SKA2: variants seen among roughly 807,000 people sequenced by gnomAD.
The protein encoded by SKA2 is spindle and kinetochore-associated protein 2.
SKA2 carries 13 observed loss-of-function variants against 16.9 expected under a neutral mutation model. That is an observed-to-expected ratio of 0.77 (90% CI 0.50 to 1.22). SKA2 has a LOEUF of 1.22. Ranked by LOEUF, SKA2 falls within the 50% of genes most tolerant of loss-of-function variation. The pLI is 0.00. For missense variants in SKA2, 107 were observed against 139.7 expected (o/e 0.77, Z 1.18); for synonymous variants, 47 against 48.5 (o/e 0.97, Z 0.13).
intron 1 of SKA2, among the ~76,000 whole-genome samples, chr17:59,136,415 C>T (rs930256603): frequency 6.6e-6 from 1 of 152,062 alleles, no homozygotes; most frequent in African/African-American, 2.4e-5. Context: ...CCACCCACCT[C>T]GGCCTCCCAA....
Position 59,141,776 on chromosome 17 carries a change from G to A in SKA2, c.34-10409C>T, listed in dbSNP as rs143433511. 3.6e-3 allele frequency among the ~76,000 whole-genome samples: 547 copies of A among 150,770 alleles called. 6 individuals carry two copies. Among genetic ancestry groups the A allele is most frequent in the African/African-American group, 0.013 (533 of 40,992 alleles). ...TAGGCATACTTCAAAATTATGGCACGTGATACCAAGAAACTCAGTGGCTTA... is the reference window on the plus strand; with the variant it reads ...TAGGCATACTTCAAAATTATGGCACATGATACCAAGAAACTCAGTGGCTTA... On this transcript the variant is annotated intron_variant, in intron 1 of 3. Coordinates refer to ENST00000330137, the MANE Select transcript of SKA2 (RefSeq NM_182620.4).
rs1316206047 is a variant in SKA2 at position 59,110,062 on chromosome 17, G to GT, written c.*2214dup. On this transcript the variant is annotated 3_prime_UTR_variant, in exon 4 of 4. Coordinates refer to ENST00000330137, the MANE Select transcript of SKA2 (RefSeq NM_182620.4). ...ATAGTGGCTATTAACAATAAAATCAGTAAGTATTCTGGACATGTTTAACTT... is the reference window on the plus strand; with the variant it reads ...ATAGTGGCTATTAACAATAAAATCAGTTAAGTATTCTGGACATGTTTAACTT... 8 of 152,188 alleles carry GT rather than the reference G, an allele frequency of 5.3e-5. No individual in the cohort carries two copies. Among genetic ancestry groups the GT allele is most frequent in the Admixed American group, 4.6e-4 (7 of 15,274 alleles). 9.4% of individuals were successfully genotyped at this position (152,188 alleles called of 1,614,324 possible).
intron 2 of SKA2, among the ~76,000 whole-genome samples, chr17:59,130,812 TTAATGTTTC>T (rs1430259935): frequency 6.6e-6 from 1 of 152,092 alleles, no homozygotes; most frequent in Non-Finnish European, 1.5e-5. Flanking sequence ...TAAAGCAGAG[TTAATGTTTC>T]TAATCAACCT....
intron 1 of SKA2, 30 bp downstream of exon 1, chr17:59,155,097 ACTAC>A (rs761626619): frequency 2.5e-5 from 40 of 1,613,940 alleles, no homozygotes; most frequent in Non-Finnish European, 3.2e-5. Context: ...GGAAAAATAA[ACTAC>A]CCAGTAGATC....
chr17:59,117,515 A>G (rs2046304486), intron 3 of SKA2, among the ~76,000 whole-genome samples: 1 of 152,112 alleles, frequency 6.6e-6, no homozygotes, highest in Non-Finnish European at 1.5e-5. Flanking sequence ...TTCTGCCCCA[A>G]ATAGTTGGAA....
intron 1 of SKA2, 103 bp from the exon 2 acceptor site, chr17:59,131,470 T>G (rs1206312532): frequency 5.0e-6 from 3 of 605,506 alleles, no homozygotes; most frequent in Non-Finnish European, 8.1e-6. Flanking sequence ...TTTCAATAAG[T>G]GATACATACT....
intron 1 of SKA2, among the ~76,000 whole-genome samples, chr17:59,139,741 T>G (rs1235158945): frequency 6.6e-6 from 1 of 152,204 alleles, no homozygotes; most frequent in East Asian, 1.9e-4. Flanking sequence ...GGCTTTGGTT[T>G]ACCATCTACT....
At position 59,123,281 on chromosome 17, in the gene SKA2, G is replaced by A. The variant is rs556223144; in HGVS notation, c.121-3786C>T. Among the ~76,000 whole-genome samples the A allele has an allele frequency of 4.1e-5, 6 of 147,870 alleles. No homozygotes were observed. The South Asian group carries it at 1.3e-3, about 32-fold the overall frequency. ...TTTTTTTTAAGAGTTAGAATTGGCT[G>A]GGTGTGATGGCTAATGCCTGTAATC... On this transcript the variant is annotated intron_variant, in intron 2 of 3. Transcript: ENST00000330137.
At chr17:59,130,264 AT>A (rs1033975087) in intron 2 of SKA2, among the ~76,000 whole-genome samples, 5 of 151,098 alleles carry the variant, frequency 3.3e-5, no homozygotes, top group South Asian at 4.2e-4. Context: ...ATTGTATGGA[AT>A]TTTTTTTTAA....
At chr17:59,126,194 A>ATAAG (rs2046371659) in intron 2 of SKA2, among the ~76,000 whole-genome samples, 1 of 151,774 alleles carries the variant, frequency 6.6e-6, no homozygotes, top group Non-Finnish European at 1.5e-5. Flanking sequence ...GAATAAATAA[A>ATAAG]TAAATAAATA....
chr17:59,150,057 A>G (rs1341815450), intron 1 of SKA2, among the ~76,000 whole-genome samples: 1 of 152,200 alleles, frequency 6.6e-6, no homozygotes, highest in Non-Finnish European at 1.5e-5. Context: ...AATGTTCTAT[A>G]TCCTGGCTGT....
rs75207050 is a variant in SKA2 at position 59,151,599 on chromosome 17, C to G, written c.33+3532G>C. On this transcript the variant is annotated intron_variant, in intron 1 of 3. Transcript: ENST00000330137. Reference sequence around the variant, plus strand: ...TTCTCTGCAGAGATGTTGGTTAGCTCCTTCTTCAAGGCAATTTACTGATTA... The same window carrying G: ...TTCTCTGCAGAGATGTTGGTTAGCTGCTTCTTCAAGGCAATTTACTGATTA... Among the ~76,000 whole-genome samples, 12 of 152,228 alleles carry G rather than the reference C, an allele frequency of 7.9e-5. No homozygotes were observed. The East Asian group carries it at 1.5e-3, about 20-fold the overall frequency.
At chr17:59,119,579 AT>A in intron 2 of SKA2, 84 bp from the exon 3 acceptor site, 1 of 1,209,170 alleles carries the variant, frequency 8.3e-7, no homozygotes, top group Non-Finnish European at 1.2e-6. Context: ...CATACAACAC[AT>A]TCTACCATCC....
At chr17:59,142,793 G>C (rs1390202385) in intron 1 of SKA2, among the ~76,000 whole-genome samples, 2 of 151,602 alleles carry the variant, frequency 1.3e-5, no homozygotes, top group African/African-American at 2.4e-5. Flanking sequence ...CAGGTGTGGT[G>C]GTGGGCACCT....
chr17:59,141,449 T>G (rs1243239001), intron 1 of SKA2, among the ~76,000 whole-genome samples: 1 of 151,002 alleles, frequency 6.6e-6, no homozygotes, highest in African/African-American at 2.4e-5. Flanking sequence ...GCCGCGGCTG[T>G]GCACAGTGGC....
chr17:59,117,427 C>T (rs1170838567), intron 3 of SKA2, among the ~76,000 whole-genome samples: 2 of 152,108 alleles, frequency 1.3e-5, no homozygotes, highest in Admixed American at 1.3e-4. Flanking sequence ...GGGACAGTCT[C>T]ACCCTGTCAC....
intron 1 of SKA2, among the ~76,000 whole-genome samples, chr17:59,142,490 A>G (rs1190055813): frequency 6.6e-6 from 1 of 151,692 alleles, no homozygotes; most frequent in Non-Finnish European, 1.5e-5. Context: ...GGGTTTCTCT[A>G]TGTTGGTCAG....
chr17:59,149,693 A>G (rs1208664722), intron 1 of SKA2, among the ~76,000 whole-genome samples: 1 of 152,216 alleles, frequency 6.6e-6, no homozygotes, highest in East Asian at 1.9e-4. Context: ...TATTCTATAC[A>G]ATGAATACTA....
intron 2 of SKA2, among the ~76,000 whole-genome samples, chr17:59,122,254 G>T (rs775533724): frequency 1.3e-5 from 2 of 152,030 alleles, no homozygotes; most frequent in African/African-American, 4.8e-5. Context: ...CGGGAGGATC[G>T]CTTGAGGTCA....
Sources: gnomAD v4.1 joint callset for allele counts (sites outside exome capture counted in the v4.1 genomes callset) on GRCh38, gnomAD v4.1.1 for gene constraint, MANE v1.5 for transcripts, NCBI Gene and HGNC (gene_info 2026-07-23, HGNC 2026-07-21) for gene names.